Variants in CCDC7 observed in about 807,000 individuals in gnomAD.
CCDC7 encodes the protein coiled-coil domain-containing protein 7.
In CCDC7, 183 loss-of-function variants were observed where a neutral mutation model predicts 196.9. That is an observed-to-expected ratio of 0.93 (90% CI 0.82 to 1.05). The LOEUF is 1.05. CCDC7 is among the 50% of genes least tolerant of loss of function. The pLI is 0.00. For missense variants in CCDC7, 1,540 were observed against 1,482.2 expected (o/e 1.04, Z -0.64); for synonymous variants, 525 against 484.6 (o/e 1.08, Z -1.10).
At chr10:32,524,616 C>A (rs1325058966) in intron 11 of CCDC7, among the ~76,000 whole-genome samples, 1 of 152,086 alleles carries the variant, frequency 6.6e-6, no homozygotes, top group Non-Finnish European at 1.5e-5. Context: ...GTCTTTATTT[C>A]TCTGCAATGC....
Position 32,829,010 on chromosome 10 carries a change from T to G in CCDC7, c.3268+4406T>G, listed in dbSNP as rs183787776. ...GGACACTTTGGGCTCCTCCTACCTT[T>G]AAATCAACAGGCTAAGAAGGGGGCT... On this transcript the variant is annotated intron_variant, in intron 32 of 41. Transcript: ENST00000639629. Among the ~76,000 whole-genome samples, 1,203 of 152,254 alleles carry G rather than the reference T, an allele frequency of 7.9e-3. 7 individuals are homozygous for G. The highest frequency in any genetic ancestry group is 0.021 in the Middle Eastern group (6 of 292).
intron 11 of CCDC7, among the ~76,000 whole-genome samples, chr10:32,535,008 G>C (rs997353602): frequency 2.6e-5 from 4 of 151,854 alleles, no homozygotes; most frequent in Non-Finnish European, 5.9e-5. Flanking sequence ...ACTTGGAGTT[G>C]GGGGAAGATT....
At chr10:32,875,231 T>C (rs1435826912) in intron 41 of CCDC7, among the ~76,000 whole-genome samples, 1 of 152,050 alleles carries the variant, frequency 6.6e-6, no homozygotes, top group Admixed American at 6.6e-5. Flanking sequence ...AGAATGGCAT[T>C]GCCTAGGTTG....
At chr10:32,685,098 C>T (rs1441760482) in intron 21 of CCDC7, among the ~76,000 whole-genome samples, 2 of 152,072 alleles carry the variant, frequency 1.3e-5, no homozygotes, top group South Asian at 2.1e-4. Context: ...TGTATTCTTA[C>T]ATTTCACCTG....
At chr10:32,702,493 T>C (rs944788690) in intron 24 of CCDC7, among the ~76,000 whole-genome samples, 3 of 152,328 alleles carry the variant, frequency 2.0e-5, no homozygotes, top group Middle Eastern at 6.8e-3. Context: ...GAATGTATAT[T>C]CTGTTGATTT....
chr10:32,607,332 G>T (rs1236013615), intron 18 of CCDC7, among the ~76,000 whole-genome samples: 1 of 152,168 alleles, frequency 6.6e-6, no homozygotes, highest in Non-Finnish European at 1.5e-5. Flanking sequence ...AGCAATGCAG[G>T]AATGGCCTAA....
rs1287751266 is a variant in CCDC7, at chr10:32,845,526, C to T, written c.3437-17C>T. On this transcript the variant is annotated splice_polypyrimidine_tract_variant and intron_variant, in intron 34 of 41. Coordinates refer to ENST00000639629, the Ensembl canonical transcript of CCDC7. ...ATAATCTTACAAAATATACTGAAAT[C>T]TGTTTTATTTCTATAGAGACTGATA... 2.5e-6 allele frequency: 4 copies of T among 1,570,696 alleles called. No individual in the cohort carries two copies. The highest frequency in any genetic ancestry group is 1.7e-4 in the Middle Eastern group (1 of 5,928).
intron 21 of CCDC7, among the ~76,000 whole-genome samples, chr10:32,684,600 A>G (rs1042875729): frequency 1.3e-5 from 2 of 152,202 alleles, no homozygotes; most frequent in African/African-American, 4.8e-5. Context: ...TGGATGATCC[A>G]GTTGAAGAGC....
intron 28 of CCDC7, among the ~76,000 whole-genome samples, chr10:32,732,785 A>G (rs2084209314): frequency 6.6e-6 from 1 of 152,142 alleles, no homozygotes; most frequent in South Asian, 2.1e-4. Context: ...TATGATGGAC[A>G]TTTTGTAGCA....
At chr10:32,651,061 C>T (rs2140150767) in intron 20 of CCDC7, among the ~76,000 whole-genome samples, 1 of 152,208 alleles carries the variant, frequency 6.6e-6, no homozygotes, top group Middle Eastern at 3.4e-3. Flanking sequence ...TATGGCTGAG[C>T]TTTGCTGGGA....
intron 23 of CCDC7, among the ~76,000 whole-genome samples, chr10:32,690,903 A>G (rs1565154881): frequency 6.6e-6 from 1 of 152,198 alleles, no homozygotes; most frequent in Non-Finnish European, 1.5e-5. Context: ...GGATACTCTC[A>G]TGGTAGTGTT....
intron 31 of CCDC7, among the ~76,000 whole-genome samples, chr10:32,818,840 T>TA: frequency 6.6e-6 from 1 of 152,110 alleles, no homozygotes; most frequent in African/African-American, 2.4e-5. Context: ...TTTATAGCAC[T>TA]AATACCCACA....
At chr10:32,741,455 T>C (rs58213577) in intron 28 of CCDC7, among the ~76,000 whole-genome samples, 8,102 of 151,496 alleles carry the variant, frequency 0.053, 715 homozygotes, top group African/African-American at 0.18. Context: ...CACCCCTTCA[T>C]ACACATATGC....
intron 24 of CCDC7, among the ~76,000 whole-genome samples, chr10:32,704,878 T>A (rs1031066940): frequency 5.3e-5 from 8 of 151,420 alleles, no homozygotes; most frequent in African/African-American, 2.0e-4. Context: ...AGTATTAGGT[T>A]GGGAGTGACT....
At chr10:32,869,902 T>C (rs1190494975) in intron 41 of CCDC7, among the ~76,000 whole-genome samples, 1 of 151,302 alleles carries the variant, frequency 6.6e-6, no homozygotes, top group East Asian at 1.9e-4. Flanking sequence ...GATCAGATGG[T>C]TGTAGATATG....
chr10:32,613,171 T>G (rs2062379319), intron 18 of CCDC7, among the ~76,000 whole-genome samples: 2 of 152,104 alleles, frequency 1.3e-5, no homozygotes, highest in Admixed American at 1.3e-4. Context: ...TGTCCAGGAA[T>G]TTATCCATTT....
intron 41 of CCDC7, among the ~76,000 whole-genome samples, chr10:32,873,060 A>G (rs2094485809): frequency 6.6e-6 from 1 of 151,708 alleles, no homozygotes; most frequent in Admixed American, 6.6e-5. Context: ...CTTTCTCTGT[A>G]TTTCCTGAAT....
chr10:32,742,304 A>G (rs567210271), intron 28 of CCDC7, among the ~76,000 whole-genome samples: 2 of 152,118 alleles, frequency 1.3e-5, no homozygotes, highest in Admixed American at 1.3e-4. Flanking sequence ...CACCAGAGTA[A>G]AACATTTGTT....
chr10:32,467,134 G>A (rs1214379988), intron 5 of CCDC7, among the ~76,000 whole-genome samples: 1 of 147,924 alleles, frequency 6.8e-6, no homozygotes, highest in Non-Finnish European at 1.5e-5. Context: ...ACAGAGTCTT[G>A]CTCCCTCGCC....
Sources: allele counts gnomAD v4.1 joint callset (sites outside exome capture counted in the v4.1 genomes callset), GRCh38; gene constraint gnomAD v4.1.1; transcripts MANE v1.5; gene names NCBI Gene and HGNC (gene_info 2026-07-23, HGNC 2026-07-21).